ITFG1: variants seen among roughly 807,000 people sequenced by gnomAD.
ITFG1 encodes integrin alpha FG-GAP repeat containing 1.
In ITFG1, 34 loss-of-function variants were observed where a neutral mutation model predicts 81.8. The ratio of observed to expected loss-of-function variants is 0.42; its 90% CI spans 0.32 to 0.55. ITFG1 has a LOEUF of 0.55. Among genes scored for constraint, ITFG1 ranks in the 20% least tolerant of loss-of-function variants. The pLI is 0.17. For synonymous variants in ITFG1, 285 were observed against 270.6 expected (o/e 1.05, Z -0.52); for missense variants, 672 against 755.4 (o/e 0.89, Z 1.29).
chr16:47,397,208 C>T (rs1180805743), intron 6 of ITFG1, among the ~76,000 whole-genome samples: 2 of 152,026 alleles, frequency 1.3e-5, no homozygotes, highest in African/African-American at 4.8e-5. Flanking sequence ...GGGATGCTTC[C>T]ACAACTGTGA....
At chr16:47,187,847 C>A (rs1247343038) in intron 14 of ITFG1, among the ~76,000 whole-genome samples, 1 of 152,002 alleles carries the variant, frequency 6.6e-6, no homozygotes, top group Admixed American at 6.6e-5. Flanking sequence ...GGGAGAAAAT[C>A]TTCGCAACCT....
intron 8 of ITFG1, among the ~76,000 whole-genome samples, chr16:47,356,829 A>T (rs905638465): frequency 6.6e-6 from 1 of 152,168 alleles, no homozygotes; most frequent in Admixed American, 6.5e-5. Context: ...GTTTGAAAAT[A>T]GGGCAGGATA....
At chr16:47,422,978 T>C (rs905649271) in intron 6 of ITFG1, among the ~76,000 whole-genome samples, 1 of 152,202 alleles carries the variant, frequency 6.6e-6, no homozygotes, top group Admixed American at 6.5e-5. Context: ...CTGGATATCC[T>C]TGTCAACCTT....
At chr16:47,323,722 C>A (rs1269936777) in intron 8 of ITFG1, among the ~76,000 whole-genome samples, 3 of 152,024 alleles carry the variant, frequency 2.0e-5, no homozygotes, top group Non-Finnish European at 2.9e-5. Context: ...AAGGTAAAAG[C>A]TGACTATCTC....
chr16:47,188,883 G>A (rs1965259139), intron 14 of ITFG1, among the ~76,000 whole-genome samples: 1 of 152,086 alleles, frequency 6.6e-6, no homozygotes, highest in Non-Finnish European at 1.5e-5. Context: ...TCCTGCCTTA[G>A]CCTCCCAAGT....
rs1964916691 is a variant in ITFG1 at position 47,168,150 on chromosome 16, G to A, written c.1454-5486C>T. Among the ~76,000 whole-genome samples the A allele has an allele frequency of 2.0e-5, 3 of 152,114 alleles. No individual in the cohort carries two copies. In the South Asian group the frequency reaches 6.2e-4, roughly 32 times the overall value. On this transcript the variant is annotated intron_variant, in intron 14 of 17. Transcript: ENST00000320640. ...GGTTCTGAAGTGGTAACTCAGTCTGGTTTTGACTTGCATTTCCTTCATGAC... is the reference window on the plus strand; with the variant it reads ...GGTTCTGAAGTGGTAACTCAGTCTGATTTTGACTTGCATTTCCTTCATGAC...
chr16:47,429,007 T>C (rs1969059911), intron 5 of ITFG1, 109 bp from the exon 6 acceptor site: 1 of 665,270 alleles, frequency 1.5e-6, no homozygotes, highest in East Asian at 2.8e-5. Flanking sequence ...TTTTCATTGA[T>C]ATATTCAACA....
chr16:47,178,347 G>C (rs1293718514), intron 14 of ITFG1, among the ~76,000 whole-genome samples: 1 of 152,164 alleles, frequency 6.6e-6, no homozygotes, highest in Non-Finnish European at 1.5e-5. Flanking sequence ...TGTTATTTTA[G>C]TGTCACTGTA....
chr16:47,362,216 G>A (rs1968118643), intron 8 of ITFG1, among the ~76,000 whole-genome samples: 1 of 152,004 alleles, frequency 6.6e-6, no homozygotes, highest in Non-Finnish European at 1.5e-5. Flanking sequence ...CTCATGCCCT[G>A]ACCTGTCTCC....
At chr16:47,392,777 T>C (rs775133767) in intron 6 of ITFG1, among the ~76,000 whole-genome samples, 1 of 152,194 alleles carries the variant, frequency 6.6e-6, no homozygotes, top group Non-Finnish European at 1.5e-5. Context: ...AAATCTTAGC[T>C]TCTTTGAGGT....
chr16:47,282,083 C>T (rs947872798), intron 10 of ITFG1, among the ~76,000 whole-genome samples: 1 of 151,692 alleles, frequency 6.6e-6, no homozygotes, highest in African/African-American at 2.4e-5. Flanking sequence ...CCCTCACATC[C>T]CCTCAGCCTC....
intron 8 of ITFG1, among the ~76,000 whole-genome samples, chr16:47,335,568 T>C (rs1439880901): frequency 6.6e-6 from 1 of 152,070 alleles, no homozygotes; most frequent in Non-Finnish European, 1.5e-5. Context: ...GGACAAAGAA[T>C]TGGAATAGAC....
At chr16:47,291,683 A>T (rs536596142) in intron 10 of ITFG1, among the ~76,000 whole-genome samples, 1 of 152,272 alleles carries the variant, frequency 6.6e-6, no homozygotes, top group Non-Finnish European at 1.5e-5. Context: ...GAAATGACAG[A>T]TCTACATATT....
At chr16:47,205,808 T>C (rs1203155475) in intron 14 of ITFG1, among the ~76,000 whole-genome samples, 2 of 151,958 alleles carry the variant, frequency 1.3e-5, no homozygotes, top group African/African-American at 4.8e-5. Flanking sequence ...TGTTTGTCAA[T>C]TTCCCCAGCT....
intron 14 of ITFG1, among the ~76,000 whole-genome samples, chr16:47,164,411 G>A (rs1596777411): frequency 6.6e-6 from 1 of 152,124 alleles, no homozygotes; most frequent in South Asian, 2.1e-4. Context: ...GTGTGTGAAG[G>A]CATGCCTTCA....
At chr16:47,272,134 AC>A (rs1169289389) in intron 10 of ITFG1, among the ~76,000 whole-genome samples, 1 of 152,232 alleles carries the variant, frequency 6.6e-6, no homozygotes, top group Admixed American at 6.5e-5. Context: ...AAAACATTAT[AC>A]CAAGTCAAAT....
At chr16:47,297,882 C>A (rs1217950733) in intron 10 of ITFG1, among the ~76,000 whole-genome samples, 2 of 152,062 alleles carry the variant, frequency 1.3e-5, no homozygotes, top group African/African-American at 4.8e-5. Flanking sequence ...AAATCTTTTG[C>A]AAGACTAGGG....
At chr16:47,268,242 A>G (rs1449299544) in intron 10 of ITFG1, among the ~76,000 whole-genome samples, 2 of 152,174 alleles carry the variant, frequency 1.3e-5, no homozygotes, top group Non-Finnish European at 2.9e-5. Context: ...TAAAAGGATG[A>G]TAAGGGAATG....
At chr16:47,206,433 A>G (rs1334756199) in intron 14 of ITFG1, among the ~76,000 whole-genome samples, 1 of 152,178 alleles carries the variant, frequency 6.6e-6, no homozygotes, top group East Asian at 1.9e-4. Flanking sequence ...GTTTGTTAGT[A>G]TGTTCTCAGA....
Sources: gnomAD v4.1 joint callset for allele counts (sites outside exome capture counted in the v4.1 genomes callset) on GRCh38, gnomAD v4.1.1 for gene constraint, MANE v1.5 for transcripts, NCBI Gene and HGNC (gene_info 2026-07-23, HGNC 2026-07-21) for gene names.